C6: variants seen among roughly 807,000 people sequenced by gnomAD.
C6 encodes complement component C6.
In C6, 101 loss-of-function variants were observed where a neutral mutation model predicts 112.9. The observed-to-expected ratio is 0.89, with a 90% CI of 0.76 to 1.06. C6 has a LOEUF of 1.06. C6 is among the 50% of genes least tolerant of loss of function. The pLI, the probability that C6 is intolerant of heterozygous loss-of-function variation, is 0.00. For missense variants in C6, 1,202 were observed against 1,104.6 expected, an observed-to-expected ratio of 1.09 and a Z score of -1.25; for synonymous variants, 431 against 384.1, an observed-to-expected ratio of 1.12 and a Z score of -1.43.
intron 3 of C6, among the ~76,000 whole-genome samples, chr5:41,200,321 T>A (rs971651884): frequency 1.6e-4 from 24 of 152,172 alleles, no homozygotes; most frequent in South Asian, 2.1e-4. Flanking sequence ...TTCTTTTGCA[T>A]AAGAGAGTCC....
chr5:41,154,894 G>A (rs1580054378), intron 14 of C6, 78 bp downstream of exon 14: 3 of 1,371,598 alleles, frequency 2.2e-6, no homozygotes, highest in Non-Finnish European at 3.1e-6. Flanking sequence ...TTGATCTAAG[G>A]ATGTGATTTT....
intron 9 of C6, among the ~76,000 whole-genome samples, chr5:41,162,299 T>C (rs1321741028): frequency 6.6e-6 from 1 of 152,214 alleles, no homozygotes; most frequent in Non-Finnish European, 1.5e-5. Flanking sequence ...TATGTTAGCA[T>C]ATGTTTTGGG....
intron 2 of C6, 72 bp downstream of exon 2, chr5:41,203,016 A>C: frequency 7.1e-7 from 1 of 1,401,500 alleles, no homozygotes. Context: ...TTAGTGTTGC[A>C]CTCCTGATGT....
At chr5:41,198,015 A>G (rs75882217) in intron 4 of C6, among the ~76,000 whole-genome samples, 9,450 of 152,240 alleles carry the variant, frequency 0.062, 355 homozygotes, top group Middle Eastern at 0.092. Flanking sequence ...TCACTGCAAT[A>G]GTATTATTTT....
intron 1 of C6, among the ~76,000 whole-genome samples, chr5:41,229,050 G>A (rs1311688729): frequency 6.6e-6 from 1 of 152,154 alleles, no homozygotes; most frequent in African/African-American, 2.4e-5. Flanking sequence ...GGGAGACGGA[G>A]GTTGCAGTGA....
intron 1 of C6, among the ~76,000 whole-genome samples, chr5:41,230,146 A>G (rs1026312263): frequency 2.0e-5 from 3 of 152,256 alleles, no homozygotes; most frequent in African/African-American, 7.2e-5. Context: ...TCTCAGGACC[A>G]CTATTGTAAA....
rs769453887 is a variant in C6 at position 41,158,743 on chromosome 5, G to A, written c.1899C>T (p.Val633=). 3.1e-6 allele frequency: 5 copies of A among 1,609,500 alleles called. No individual in the cohort carries two copies. Among genetic ancestry groups the A allele is most frequent in the South Asian group, 1.1e-5 (1 of 90,996 alleles). Reference sequence around the variant, plus strand: ...AATCTGCTTCTATCTCAGGAAGATCGACCTCTTTCATTTCTTCGTCATCAT... The same window carrying A: ...AATCTGCTTCTATCTCAGGAAGATCAACCTCTTTCATTTCTTCGTCATCAT... ...CINDDEEMKE[V]DLPEIEADSG... The change falls in exon 13 of 18, where the codon GTC becomes GTT. Residue 633 remains valine (V), a synonymous_variant. Coordinates refer to ENST00000337836, the MANE Select transcript of C6 (RefSeq NM_000065.5).
intron 9 of C6, among the ~76,000 whole-genome samples, chr5:41,171,891 A>G (rs887818100): frequency 3.9e-5 from 6 of 152,116 alleles, no homozygotes; most frequent in Admixed American, 3.3e-4. Context: ...TGTATTTTTA[A>G]TGGATGTTTA....
At chr5:41,207,385 C>T (rs1026913906) in intron 1 of C6, among the ~76,000 whole-genome samples, 4 of 152,172 alleles carry the variant, frequency 2.6e-5, no homozygotes, top group African/African-American at 9.7e-5. Context: ...CAATATTAAC[C>T]TTAAATGTAA....
intron 1 of C6, among the ~76,000 whole-genome samples, chr5:41,250,507 G>A (rs1440847753): frequency 6.6e-6 from 1 of 152,190 alleles, no homozygotes; most frequent in Non-Finnish European, 1.5e-5. Context: ...TCCCATTCAT[G>A]TTGGGCCTAG....
rs538936342 is a variant in C6 at position 41,186,852 on chromosome 5, T to C, written c.588-644A>G. On this transcript the variant is annotated intron_variant, in intron 5 of 17. Coordinates refer to ENST00000337836, the MANE Select transcript of C6 (RefSeq NM_000065.5). ...TATACCTGTTTTACAAATGAGGACA[T>C]TGAGGCACATAGAGATTAATTAGCT... Among the ~76,000 whole-genome samples the C allele has an allele frequency of 7.9e-5, 12 of 152,246 alleles. No individual in the cohort carries two copies. In the South Asian group the frequency reaches 2.5e-3, roughly 32 times the overall value.
intron 1 of C6, among the ~76,000 whole-genome samples, chr5:41,220,915 G>C (rs1390421992): frequency 6.6e-6 from 1 of 151,616 alleles, no homozygotes; most frequent in African/African-American, 2.4e-5. Context: ...GTCCATGTGT[G>C]CCCAATGTAT....
intron 13 of C6, 54 bp downstream of exon 13, chr5:41,158,620 T>C (rs1747148634): frequency 2.2e-6 from 2 of 908,778 alleles, no homozygotes; most frequent in Non-Finnish European, 3.7e-6. Flanking sequence ...AGACAAGCTA[T>C]ACTTTTCGAG....
intron 1 of C6, among the ~76,000 whole-genome samples, chr5:41,212,237 C>T (rs1477676302): frequency 6.6e-6 from 1 of 152,146 alleles, no homozygotes; most frequent in Non-Finnish European, 1.5e-5. Flanking sequence ...TCTCAGCTCA[C>T]TATAAACTCA....
chr5:41,208,742 CA>C, intron 1 of C6, among the ~76,000 whole-genome samples: 1 of 151,890 alleles, frequency 6.6e-6, no homozygotes, highest in Admixed American at 6.6e-5. Context: ...GCTTACCAAC[CA>C]AAAAAAGTCC....
intron 1 of C6, among the ~76,000 whole-genome samples, chr5:41,241,486 G>A (rs2150426061): frequency 6.6e-6 from 1 of 152,274 alleles, no homozygotes; most frequent in South Asian, 2.1e-4. Context: ...GTGATTCCCT[G>A]GACATAGACT....
chr5:41,198,186 G>A (rs1027074816), intron 4 of C6, among the ~76,000 whole-genome samples: 1 of 152,088 alleles, frequency 6.6e-6, no homozygotes, highest in African/African-American at 2.4e-5. Flanking sequence ...GGGAGACTCT[G>A]AACATCAGTC....
chr5:41,159,187 G>A lies in C6; in HGVS notation c.1751C>T (p.Ser584Leu), dbSNP rs763257632. The change falls in exon 12 of 18, where the codon TCG (serine) becomes TTG (leucine). Residue 584 changes from serine to leucine, a missense_variant. Transcript: ENST00000337836. ...WSTCDATYKR[S>L]RTRECNNPAP... Reference sequence around the variant, plus strand: ...AGGATTATTGCATTCTCGGGTTCTCGATCTCTTATAAGTAGCATCACAGGT... The same window carrying A: ...AGGATTATTGCATTCTCGGGTTCTCAATCTCTTATAAGTAGCATCACAGGT... 2.5e-5 allele frequency: 41 copies of A among 1,613,248 alleles called. No homozygotes were observed. Among genetic ancestry groups the A allele is most frequent in the Non-Finnish European group, 3.3e-5 (39 of 1,179,696 alleles).
intron 1 of C6, among the ~76,000 whole-genome samples, chr5:41,218,856 C>T (rs1230119429): frequency 6.6e-6 from 1 of 152,186 alleles, no homozygotes; most frequent in African/African-American, 2.4e-5. Flanking sequence ...CATGTGAGAA[C>T]ATGTGGCCTT....
Sources: gnomAD v4.1 joint callset for allele counts (sites outside exome capture counted in the v4.1 genomes callset) on GRCh38, gnomAD v4.1.1 for gene constraint, MANE v1.5 for transcripts, NCBI Gene and HGNC (gene_info 2026-07-23, HGNC 2026-07-21) for gene names.